The following ELP4 variants were observed in gnomAD, a reference collection of about 807,000 sequenced individuals.
ELP4 encodes elongator acetyltransferase complex subunit 4.
Under a neutral mutation model 48.9 loss-of-function variants are expected in ELP4, and 51 were observed. The ratio of observed to expected loss-of-function variants is 1.04; its 90% CI spans 0.83 to 1.32. The LOEUF (loss-of-function observed/expected upper bound fraction) is 1.32, where lower values mean the gene tolerates loss of function less well. Ranked by LOEUF, ELP4 falls within the 40% of genes most tolerant of loss-of-function variation. The probability of loss-of-function intolerance (pLI) is 0.00; values close to 1 mark genes in which losing one functional copy is unlikely to be tolerated. For missense variants in ELP4, 519 were observed against 514.6 expected, an observed-to-expected ratio of 1.01 and a Z score of -0.08; for synonymous variants, 210 against 189.2, an observed-to-expected ratio of 1.11 and a Z score of -0.90.
intron 9 of ELP4, among the ~76,000 whole-genome samples, chr11:31,766,720 A>G (rs1948049809): frequency 6.6e-6 from 1 of 152,074 alleles, no homozygotes; most frequent in African/African-American, 2.4e-5. Flanking sequence ...GAAAATAAAT[A>G]TATAATTGAA....
At chr11:31,605,584 G>A (rs1957859589) in intron 5 of ELP4, among the ~76,000 whole-genome samples, 1 of 152,046 alleles carries the variant, frequency 6.6e-6, no homozygotes, top group African/African-American at 2.4e-5. Flanking sequence ...TGTATATTAT[G>A]TTTGATGTAT....
At chr11:31,603,047 A>C (rs1285908623) in intron 4 of ELP4, among the ~76,000 whole-genome samples, 1 of 151,952 alleles carries the variant, frequency 6.6e-6, no homozygotes, top group African/African-American at 2.4e-5. Flanking sequence ...TATAAATTAG[A>C]GTTTCTTATA....
At chr11:31,699,057 A>C (rs1946468582) in intron 9 of ELP4, among the ~76,000 whole-genome samples, 1 of 152,272 alleles carries the variant, frequency 6.6e-6, no homozygotes, top group African/African-American at 2.4e-5. Flanking sequence ...TCTGTATGTG[A>C]GTTTATGTAC....
intron 9 of ELP4, chr11:31,714,671 T>C: frequency 2.5e-6 from 1 of 398,584 alleles, no homozygotes; most frequent in East Asian, 3.6e-5. Flanking sequence ...ACGTTCCTCC[T>C]GGATGGTCCA....
At chr11:31,658,482 A>G (rs939533361) in intron 9 of ELP4, among the ~76,000 whole-genome samples, 6 of 151,784 alleles carry the variant, frequency 4.0e-5, no homozygotes, top group Non-Finnish European at 7.4e-5. Flanking sequence ...AAAAAAAGCT[A>G]TTCTCTAAAA....
intron 3 of ELP4, among the ~76,000 whole-genome samples, chr11:31,579,139 C>T (rs1178159581): frequency 2.6e-5 from 4 of 152,164 alleles, no homozygotes; most frequent in South Asian, 2.1e-4. Context: ...TGGACAGACA[C>T]CTCTCAAAAG....
intron 9 of ELP4, among the ~76,000 whole-genome samples, chr11:31,736,079 T>C (rs774173482): frequency 1.3e-5 from 2 of 152,136 alleles, no homozygotes; most frequent in East Asian, 1.9e-4. Flanking sequence ...CAAACTATAC[T>C]ACAAGGCTAC....
At chr11:31,674,242 T>C (rs917471826) in intron 9 of ELP4, among the ~76,000 whole-genome samples, 3 of 152,238 alleles carry the variant, frequency 2.0e-5, no homozygotes, top group African/African-American at 7.2e-5. Flanking sequence ...TAGAATATTA[T>C]TTCATAAACC....
At chr11:31,595,154 G>GTC (rs1182992430) in intron 4 of ELP4, among the ~76,000 whole-genome samples, 5 of 152,062 alleles carry the variant, frequency 3.3e-5, no homozygotes, top group Admixed American at 2.0e-4. Context: ...GCAAGACAGA[G>GTC]TAAGTGAACT....
intron 3 of ELP4, among the ~76,000 whole-genome samples, chr11:31,550,620 G>GA (rs1956832368): frequency 6.6e-6 from 1 of 152,092 alleles, no homozygotes; most frequent in South Asian, 2.1e-4. Context: ...AAAAAGAGTT[G>GA]GAGGAGCCAA....
At chr11:31,628,547 G>A (rs1272349660) in intron 6 of ELP4, 3 of 151,204 alleles carry the variant, frequency 2.0e-5, no homozygotes, top group Non-Finnish European at 2.9e-5. Flanking sequence ...TTGTTTATTC[G>A]ATGATGAAAA....
intron 9 of ELP4, among the ~76,000 whole-genome samples, chr11:31,761,015 A>G (rs556853256): frequency 4.2e-4 from 64 of 152,282 alleles, no homozygotes; most frequent in African/African-American, 1.5e-3. Flanking sequence ...GAATTAAACT[A>G]TATGCTGTGT....
At chr11:31,558,435 A>AATT (rs1956962695) in intron 3 of ELP4, among the ~76,000 whole-genome samples, 1 of 152,210 alleles carries the variant, frequency 6.6e-6, no homozygotes, top group Non-Finnish European at 1.5e-5. Flanking sequence ...ATATTAATAT[A>AATT]AACACATTTA....
chr11:31,577,645 C>T (rs1020828740), intron 3 of ELP4, among the ~76,000 whole-genome samples: 6 of 151,802 alleles, frequency 4.0e-5, no homozygotes, highest in African/African-American at 7.3e-5. Flanking sequence ...TCAACATACG[C>T]GAATCAATAA....
chr11:31,704,643 A>T (rs1002042060), intron 9 of ELP4, among the ~76,000 whole-genome samples: 6 of 152,222 alleles, frequency 3.9e-5, no homozygotes, highest in African/African-American at 7.2e-5. Context: ...TAATAAAAAT[A>T]AAAAAATTAA....
At position 31,548,102 on chromosome 11, in the gene ELP4, C is replaced by T. The variant is rs575992264; in HGVS notation, c.381+8319C>T. Among the ~76,000 whole-genome samples, 587 of 152,254 alleles carry T rather than the reference C, an allele frequency of 3.9e-3. 6 individuals are homozygous for T. Among genetic ancestry groups the T allele is most frequent in the African/African-American group, 0.013 (560 of 41,528 alleles). Reference sequence around the variant, plus strand: ...AAGACAGGGATGCCCTCTCTCACCACTCCTATTCAACATAGTGTTGGAAGT... The same window carrying T: ...AAGACAGGGATGCCCTCTCTCACCATTCCTATTCAACATAGTGTTGGAAGT... On this transcript the variant is annotated intron_variant, in intron 3 of 9. Transcript: ENST00000640961.
chr11:31,584,448 C>T (rs1265069099), intron 3 of ELP4, among the ~76,000 whole-genome samples: 5 of 151,850 alleles, frequency 3.3e-5, no homozygotes, highest in Non-Finnish European at 1.5e-5. Context: ...TATATAAAGG[C>T]AGGAAAATAA....
At chr11:31,683,716 T>C (rs1361273641) in intron 9 of ELP4, among the ~76,000 whole-genome samples, 1 of 152,158 alleles carries the variant, frequency 6.6e-6, no homozygotes, top group African/African-American at 2.4e-5. Flanking sequence ...AATAAGACAT[T>C]GTTTCTATTT....
chr11:31,790,002 C>G lies in ELP4; in HGVS notation c.*6478C>G. ...CCGGGAACTTGAACTGGAACTGACA[C>G]ACCAGGGGAAATGAGTCCTAGAAGT... On this transcript the variant is annotated 3_prime_UTR_variant, in exon 10 of 10. Transcript: ENST00000640961. 1 of 1,589,772 alleles carries G rather than the reference C, an allele frequency of 6.3e-7. No homozygotes were observed. Among genetic ancestry groups the G allele is most frequent in the Non-Finnish European group, 8.5e-7 (1 of 1,175,718 alleles).
Sources: gnomAD v4.1 joint callset for allele counts (sites outside exome capture counted in the v4.1 genomes callset) on GRCh38, gnomAD v4.1.1 for gene constraint, MANE v1.5 for transcripts, NCBI Gene and HGNC (gene_info 2026-07-23, HGNC 2026-07-21) for gene names.